GREM2: variants seen among roughly 807,000 people sequenced by gnomAD.
GREM2 encodes gremlin-2.
A neutral mutation model predicts 14.2 loss-of-function variants in GREM2; 11 were observed. That is an observed-to-expected ratio of 0.78 (90% CI 0.49 to 1.28). The LOEUF (loss-of-function observed/expected upper bound fraction) is 1.28. Among genes scored for constraint, GREM2 ranks in the 50% most tolerant of loss-of-function variants. The probability of loss-of-function intolerance (pLI) is 0.00; values close to 1 mark genes in which losing one functional copy is unlikely to be tolerated. For synonymous variants in GREM2, 98 were observed against 97.6 expected (o/e 1.00, Z -0.02); for missense variants, 210 against 218.5 (o/e 0.96, Z 0.24).
intron 1 of GREM2, among the ~76,000 whole-genome samples, chr1:240,514,824 CAA>C (rs1204136888): frequency 6.6e-6 from 1 of 152,114 alleles, no homozygotes; most frequent in Non-Finnish European, 1.5e-5. Context: ...AGTTTGAACC[CAA>C]GAGATCGAGG....
At chr1:240,530,940 G>T (rs536119357) in intron 1 of GREM2, 3 of 152,304 alleles carry the variant, frequency 2.0e-5, no homozygotes, top group East Asian at 1.9e-4. Context: ...GCTAACTTTT[G>T]CAGTTTTAAA....
intron 1 of GREM2, among the ~76,000 whole-genome samples, chr1:240,551,488 A>G (rs980557248): frequency 1.3e-5 from 2 of 152,186 alleles, no homozygotes; most frequent in Non-Finnish European, 2.9e-5. Flanking sequence ...AGCTGGGACT[A>G]CAGGCACATG....
chr1:240,496,747 T>A (rs1023544209), intron 1 of GREM2, among the ~76,000 whole-genome samples: 11 of 152,132 alleles, frequency 7.2e-5, no homozygotes, highest in African/African-American at 2.7e-4. Flanking sequence ...CAGCGGCTCA[T>A]GCCTGTAATC....
In GREM2 at chr1:240,555,150, A is replaced by AAAG. The variant is rs1558161021; in HGVS notation, c.-2+56733_-2+56734insCTT. Among the ~76,000 whole-genome samples, 934 of 150,738 alleles carry AAAG rather than the reference A, an allele frequency of 6.2e-3. 8 individuals carry two copies. The highest frequency in any genetic ancestry group is 0.022 in the African/African-American group (890 of 40,930). On this transcript the variant is annotated intron_variant, in intron 1 of 1. Coordinates refer to ENST00000318160, the MANE Select transcript of GREM2 (RefSeq NM_022469.4). ...ACAAGAGAGAAACTCCATCTCAAAA[A>AAAG]AAAGAAAGAAAGAAAGAAAGAAAGA...
intron 1 of GREM2, among the ~76,000 whole-genome samples, chr1:240,567,174 A>C (rs2103359018): frequency 6.6e-6 from 1 of 152,296 alleles, no homozygotes; most frequent in Non-Finnish European, 1.5e-5. Flanking sequence ...AATAATTTTA[A>C]AAAATACAAA....
At chr1:240,520,964 T>G (rs1373760687) in intron 1 of GREM2, among the ~76,000 whole-genome samples, 1 of 152,040 alleles carries the variant, frequency 6.6e-6, no homozygotes, top group Non-Finnish European at 1.5e-5. Flanking sequence ...TTTGCTAAAT[T>G]TAGCTTAGAA....
At chr1:240,537,456 C>CA in intron 1 of GREM2, among the ~76,000 whole-genome samples, 1 of 151,696 alleles carries the variant, frequency 6.6e-6, no homozygotes, top group East Asian at 1.9e-4. Context: ...ACAGCACTGA[C>CA]AAAAAAAGAG....
chr1:240,557,733 A>G (rs1236471164), intron 1 of GREM2, among the ~76,000 whole-genome samples: 2 of 152,144 alleles, frequency 1.3e-5, no homozygotes, highest in African/African-American at 4.8e-5. Context: ...GAGAAGGACA[A>G]GGGGTCAGCA....
At chr1:240,504,909 T>G (rs1301165387) in intron 1 of GREM2, among the ~76,000 whole-genome samples, 1 of 152,122 alleles carries the variant, frequency 6.6e-6, no homozygotes, top group Non-Finnish European at 1.5e-5. Flanking sequence ...TAGTATATGT[T>G]ATATATATAA....
chr1:240,610,101 C>T (rs1680104706), intron 1 of GREM2, among the ~76,000 whole-genome samples: 1 of 152,076 alleles, frequency 6.6e-6, no homozygotes, highest in Admixed American at 6.5e-5. Context: ...TACCAACACA[C>T]CCAACATTGC....
chr1:240,571,998 A>G (rs1484356222), intron 1 of GREM2, among the ~76,000 whole-genome samples: 1 of 152,172 alleles, frequency 6.6e-6, no homozygotes, highest in African/African-American at 2.4e-5. Flanking sequence ...GAATTGGCCA[A>G]TTCCAGCAGG....
In GREM2 at chr1:240,543,901, A is replaced by G; in HGVS notation, c.-1-50425T>C. Among the ~76,000 whole-genome samples the G allele has an allele frequency of 6.6e-6, 1 of 152,192 alleles. No homozygotes were observed. The highest frequency in any genetic ancestry group is 1.9e-4 in the East Asian group (1 of 5,190). ...TATTTGTTTTTCAATGGGAACAAGC[A>G]CAGAACTAAAGGGTGACCCTCCATA... is the stretch of plus-strand genomic sequence containing the variant. On this transcript the variant is annotated intron_variant, in intron 1 of 1. Coordinates refer to ENST00000318160, the MANE Select transcript of GREM2 (RefSeq NM_022469.4). The surrounding 1 kb of genome is among the most constrained non-coding windows in gnomAD (Gnocchi z 6.4).
intron 1 of GREM2, among the ~76,000 whole-genome samples, chr1:240,605,134 G>A (rs1680001051): frequency 6.6e-6 from 1 of 152,158 alleles, no homozygotes; most frequent in African/African-American, 2.4e-5. Context: ...CACAGCAGTA[G>A]GATGGATGCG....
intron 1 of GREM2, among the ~76,000 whole-genome samples, chr1:240,585,582 T>C (rs1679581682): frequency 6.6e-6 from 1 of 151,506 alleles, no homozygotes; most frequent in South Asian, 2.1e-4. Flanking sequence ...ACACAAAAAT[T>C]AGCCAGGCGT....
At chr1:240,591,958 C>T (rs1571947214) in intron 1 of GREM2, among the ~76,000 whole-genome samples, 2 of 152,128 alleles carry the variant, frequency 1.3e-5, no homozygotes, top group Admixed American at 6.6e-5. Flanking sequence ...TTTCAGACCA[C>T]GGTTCTACAA....
intron 1 of GREM2, among the ~76,000 whole-genome samples, chr1:240,497,360 C>T (rs1677449782): frequency 6.6e-6 from 1 of 151,960 alleles, no homozygotes; most frequent in African/African-American, 2.4e-5. Context: ...CATTCTGGGT[C>T]AGTAGTGTTG....
intron 1 of GREM2, among the ~76,000 whole-genome samples, chr1:240,537,803 A>AACAG (rs1242773342): frequency 6.6e-6 from 1 of 151,902 alleles, no homozygotes; most frequent in East Asian, 1.9e-4. Context: ...CAAACAAACA[A>AACAG]ACAAAAACAC....
rs918030508 is a variant in GREM2 at position 240,578,716 on chromosome 1, G to A, written c.-2+33168C>T. ...GGAAATTCACTTGAACCTGGGAGGC[G>A]GAGGCTGCAGTGAGCCAAGATCACG... On this transcript the variant is annotated intron_variant, in intron 1 of 1. Transcript: ENST00000318160. 2.0e-5 allele frequency among the ~76,000 whole-genome samples: 3 copies of A among 151,956 alleles called. No individual in the cohort carries two copies. The South Asian group carries it at 6.2e-4, about 32-fold the overall frequency.
At chr1:240,510,042 C>T (rs980280939) in intron 1 of GREM2, among the ~76,000 whole-genome samples, 3 of 152,136 alleles carry the variant, frequency 2.0e-5, no homozygotes, top group African/African-American at 7.2e-5. Flanking sequence ...TTACTCAATA[C>T]ATCCATTTAT....
Sources: allele counts gnomAD v4.1 joint callset (sites outside exome capture counted in the v4.1 genomes callset), GRCh38; gene constraint gnomAD v4.1.1; non-coding constraint Gnocchi (gnomAD v3.1); transcripts MANE v1.5; gene names NCBI Gene and HGNC (gene_info 2026-07-23, HGNC 2026-07-21).